KLHL3: variants seen among roughly 807,000 people sequenced by gnomAD.
The protein encoded by KLHL3 is kelch-like protein 3.
In KLHL3, 19 loss-of-function variants were observed where a neutral mutation model predicts 70.5. The observed-to-expected ratio is 0.27, with a 90% CI of 0.19 to 0.40. KLHL3 has a LOEUF of 0.40. Ranked by LOEUF, KLHL3 falls within the 10% of genes least tolerant of loss-of-function variation. The probability of loss-of-function intolerance (pLI) is 1.00; values close to 1 mark genes in which losing one functional copy is unlikely to be tolerated. For missense variants in KLHL3, 512 were observed against 771.1 expected, an observed-to-expected ratio of 0.66 and a Z score of 3.98; for synonymous variants, 258 against 290.3, an observed-to-expected ratio of 0.89 and a Z score of 1.13.
intron 11 of KLHL3, among the ~76,000 whole-genome samples, chr5:137,636,188 A>C (rs1344703199): frequency 3.3e-5 from 5 of 152,196 alleles, no homozygotes; most frequent in African/African-American, 4.8e-5. Context: ...AGAATAGTAC[A>C]CCTTTAAATG....
chr5:137,698,283 T>G lies in KLHL3; in HGVS notation c.363+4A>C. The G allele has an allele frequency of 1.9e-6, 3 of 1,614,178 alleles. No individual in the cohort carries two copies. In the South Asian group the frequency reaches 3.3e-5, roughly 18 times the overall value. ...CACTGAGCTATTAGTGAGCCTGAGTTTACCTGGACATTCTCTTCAGTCACC... is the reference window on the plus strand; with the variant it reads ...CACTGAGCTATTAGTGAGCCTGAGTGTACCTGGACATTCTCTTCAGTCACC... On this transcript the variant is annotated splice_donor_region_variant and intron_variant, in intron 4 of 14. Transcript: ENST00000309755.
intron 1 of KLHL3, among the ~76,000 whole-genome samples, chr5:137,734,560 G>A (rs1378518953): frequency 2.0e-5 from 3 of 152,224 alleles, no homozygotes; most frequent in Non-Finnish European, 4.4e-5. Flanking sequence ...AACAACTCAT[G>A]AAAAGGAAAG....
chr5:137,666,764 C>T (rs1356778355), intron 6 of KLHL3, among the ~76,000 whole-genome samples: 1 of 152,112 alleles, frequency 6.6e-6, no homozygotes, highest in East Asian at 1.9e-4. Flanking sequence ...AGACTTCATG[C>T]TTGAAAAATA....
chr5:137,692,996 G>A (rs1315544762), intron 4 of KLHL3, among the ~76,000 whole-genome samples: 2 of 152,156 alleles, frequency 1.3e-5, no homozygotes, highest in Admixed American at 1.3e-4. Flanking sequence ...AGCTCCCCAG[G>A]TGCTTCTAAT....
intron 8 of KLHL3, among the ~76,000 whole-genome samples, chr5:137,655,993 G>GAAA (rs11442441): frequency 9.3e-5 from 10 of 107,932 alleles, no homozygotes; most frequent in East Asian, 2.8e-4. Context: ...TCTGCCTCAA[G>GAAA]AAAAAAAAAA....
At chr5:137,678,315 T>C (rs1479445218) in intron 5 of KLHL3, among the ~76,000 whole-genome samples, 2 of 152,026 alleles carry the variant, frequency 1.3e-5, no homozygotes, top group African/African-American at 4.8e-5. Flanking sequence ...TGGTGACAAC[T>C]AGAATAAGAT....
At chr5:137,676,304 T>C (rs902879583) in intron 6 of KLHL3, among the ~76,000 whole-genome samples, 6 of 152,256 alleles carry the variant, frequency 3.9e-5, no homozygotes, top group African/African-American at 1.4e-4. Flanking sequence ...ATCTCAGATA[T>C]AAAATCCTTT....
intron 5 of KLHL3, 61 bp downstream of exon 5, chr5:137,692,224 G>A (rs1752340006): frequency 2.0e-6 from 3 of 1,473,074 alleles, no homozygotes; most frequent in South Asian, 1.2e-5. Flanking sequence ...GGAGTCTGCA[G>A]AAGACCAGGT....
intron 5 of KLHL3, among the ~76,000 whole-genome samples, chr5:137,690,819 A>G (rs1346875492): frequency 6.6e-6 from 1 of 152,106 alleles, no homozygotes; most frequent in Non-Finnish European, 1.5e-5. Flanking sequence ...GTCCTCAGCT[A>G]ATTTCCAGAC....
intron 2 of KLHL3, among the ~76,000 whole-genome samples, chr5:137,719,762 A>G (rs1333030517): frequency 6.6e-6 from 1 of 152,188 alleles, no homozygotes; most frequent in East Asian, 1.9e-4. Flanking sequence ...AGTGAAAGAG[A>G]GAGTGAAAAA....
intron 10 of KLHL3, among the ~76,000 whole-genome samples, chr5:137,637,597 C>T (rs1045474703): frequency 2.6e-5 from 4 of 152,218 alleles, no homozygotes; most frequent in Admixed American, 2.6e-4. Context: ...ACTATTAAGA[C>T]TTGACTCAGA....
chr5:137,676,183 A>G (rs1335080400), intron 6 of KLHL3, among the ~76,000 whole-genome samples: 1 of 152,222 alleles, frequency 6.6e-6, no homozygotes, highest in Non-Finnish European at 1.5e-5. Flanking sequence ...AGTTTTAACA[A>G]ATGACTTTTT....
At chr5:137,650,120 G>A (rs1751163404) in intron 8 of KLHL3, among the ~76,000 whole-genome samples, 2 of 152,186 alleles carry the variant, frequency 1.3e-5, no homozygotes, top group Non-Finnish European at 2.9e-5. Context: ...ATGATGACCA[G>A]GACAATGACC....
chr5:137,623,574 C>T (rs1439721354), intron 14 of KLHL3, among the ~76,000 whole-genome samples: 2 of 152,148 alleles, frequency 1.3e-5, no homozygotes, highest in African/African-American at 4.8e-5. Flanking sequence ...AATATATTCT[C>T]ATTATGGGAA....
chr5:137,708,667 G>A lies in KLHL3; in HGVS notation c.241+1083C>T, dbSNP rs148084663. ...AAAACACATAACAACAAACCAAGACGATTTTCAGATGGTGATAAATGTTAT... is the reference window on the plus strand; with the variant it reads ...AAAACACATAACAACAAACCAAGACAATTTTCAGATGGTGATAAATGTTAT... On this transcript the variant is annotated intron_variant, in intron 3 of 14. Coordinates refer to ENST00000309755, the MANE Select transcript of KLHL3 (RefSeq NM_017415.3). Among the ~76,000 whole-genome samples, 276 of 152,276 alleles carry A rather than the reference G, an allele frequency of 1.8e-3. 2 individuals are homozygous for A. The highest frequency in any genetic ancestry group is 6.1e-3 in the African/African-American group (255 of 41,556).
rs1389595163 is a variant in KLHL3, at chr5:137,621,435, A to T, written c.*663T>A. On this transcript the variant is annotated 3_prime_UTR_variant, in exon 15 of 15. Coordinates refer to ENST00000309755, the MANE Select transcript of KLHL3 (RefSeq NM_017415.3). The stretch of plus-strand genomic sequence containing the variant: ...AAACAGTGAGCTGAGAAGCACAGGG[A>T]ACCCATTTGTCCCTTATTCTAGCAC... 2.0e-5 allele frequency: 3 copies of T among 152,420 alleles called. No homozygotes were observed. 9.4% of individuals were successfully genotyped at this position (152,420 alleles called of 1,614,324 possible).
chr5:137,689,229 G>T (rs556022431), intron 5 of KLHL3, among the ~76,000 whole-genome samples: 1 of 152,352 alleles, frequency 6.6e-6, no homozygotes, highest in African/African-American at 2.4e-5. Flanking sequence ...ATATACTGCT[G>T]GTGGGAATGT....
intron 14 of KLHL3, among the ~76,000 whole-genome samples, chr5:137,622,749 T>G (rs978151468): frequency 1.3e-5 from 2 of 152,228 alleles, no homozygotes. Flanking sequence ...ACTGTTTTAG[T>G]CCGAGTGAAC....
chr5:137,714,767 G>A (rs891852313), intron 2 of KLHL3, among the ~76,000 whole-genome samples: 27 of 152,138 alleles, frequency 1.8e-4, no homozygotes, highest in African/African-American at 6.0e-4. Context: ...AACTTTAAAC[G>A]GGTAAATTGT....
Sources: gnomAD v4.1 joint callset for allele counts (sites outside exome capture counted in the v4.1 genomes callset) on GRCh38, gnomAD v4.1.1 for gene constraint, MANE v1.5 for transcripts, NCBI Gene and HGNC (gene_info 2026-07-23, HGNC 2026-07-21) for gene names.